POLN: variants seen among roughly 807,000 people sequenced by gnomAD.
POLN encodes DNA polymerase N.
A neutral mutation model predicts 113.5 loss-of-function variants in POLN; 108 were observed. The observed-to-expected ratio is 0.95, with a 90% CI of 0.81 to 1.12. POLN has a LOEUF of 1.12. Among genes scored for constraint, POLN ranks in the 50% most tolerant of loss-of-function variants. The pLI is 0.00. For synonymous variants in POLN, 386 were observed against 391.5 expected, an observed-to-expected ratio of 0.99 and a Z score of 0.17; for missense variants, 1,097 against 1,077.1, an observed-to-expected ratio of 1.02 and a Z score of -0.26.
chr4:2,221,766 G>C (rs1734258912), intron 3 of POLN, among the ~76,000 whole-genome samples: 1 of 152,100 alleles, frequency 6.6e-6, no homozygotes, highest in South Asian at 2.1e-4. Context: ...GTAGAGACAG[G>C]GTTCCACCAC....
chr4:2,223,410 T>G (rs570055156), intron 3 of POLN, among the ~76,000 whole-genome samples: 203 of 152,248 alleles, frequency 1.3e-3, no homozygotes, highest in African/African-American at 4.6e-3. Flanking sequence ...AACTGTACTG[T>G]GAACTGCACA....
Position 2,085,722 on chromosome 4 carries a change from G to A in POLN, c.2088C>T (p.Cys696=), listed in dbSNP as rs1730533635. Reference sequence around the variant, plus strand: ...CAGCTTCCTGAATAGGAACTCCAAGGCAAGCAGCCAGCCGCTCCTTCCCTG... The same window carrying A: ...CAGCTTCCTGAATAGGAACTCCAAGACAAGCAGCCAGCCGCTCCTTCCCTG... ...YGAGKERLAA[C]LGVPIQEAAQ... Residue 696 remains cysteine (C), a synonymous_variant, in exon 21 of 26, where the codon TGC becomes TGT. Coordinates refer to ENST00000511885, the MANE Select transcript of POLN (RefSeq NM_181808.4). 1 of 1,613,838 alleles carries A rather than the reference G, an allele frequency of 6.2e-7. No homozygotes were observed. The highest frequency in any genetic ancestry group is 8.5e-7 in the Non-Finnish European group (1 of 1,180,034).
At chr4:2,162,309 T>G (rs573793337) in intron 13 of POLN, among the ~76,000 whole-genome samples, 1 of 151,960 alleles carries the variant, frequency 6.6e-6, no homozygotes, top group East Asian at 1.9e-4. Context: ...CCTTAAGAGC[T>G]GTAACACTCA....
In POLN at chr4:2,170,669, G is replaced by T. The variant is rs774748530; in HGVS notation, c.1554+10C>A. 1 of 1,607,814 alleles carries T rather than the reference G, an allele frequency of 6.2e-7. No homozygotes were observed. Among genetic ancestry groups the T allele is most frequent in the South Asian group, 1.1e-5 (1 of 90,802 alleles). On this transcript the variant is annotated intron_variant, in intron 13 of 25. Coordinates refer to ENST00000511885, the MANE Select transcript of POLN (RefSeq NM_181808.4). ...TTCTAAAAAGAAAAAGGATAACTCTGAAACCTTACCACTGCTTCTGATGTA... is the reference window on the plus strand; with the variant it reads ...TTCTAAAAAGAAAAAGGATAACTCTTAAACCTTACCACTGCTTCTGATGTA...
chr4:2,153,030 G>A (rs757162153), intron 16 of POLN, among the ~76,000 whole-genome samples: 1 of 152,184 alleles, frequency 6.6e-6, no homozygotes, highest in East Asian at 1.9e-4. Context: ...CAGGACATAC[G>A]TGCATGGTGT....
Position 2,213,086 on chromosome 4 carries a change from T to C in POLN, c.174A>G (p.Val58=). 2 of 1,611,208 alleles carry C rather than the reference T, an allele frequency of 1.2e-6. No homozygotes were observed. The highest frequency in any genetic ancestry group is 2.2e-5 in the East Asian group (1 of 44,770). ...ATTGAGTCTTCCTGTCTTCAAGTTG[T>C]ACTGAATACTTAACACTGGACTTGT... ...VINKSSVKYS[V]QLEDRKTQSP... is the part of the protein sequence containing the mutation. Residue 58 remains valine (V), a synonymous_variant, in exon 4 of 26, where the codon GTA becomes GTG. Coordinates refer to ENST00000511885, the MANE Select transcript of POLN (RefSeq NM_181808.4).
chr4:2,230,266 G>A (rs1218945991), intron 2 of POLN: 1 of 152,174 alleles, frequency 6.6e-6, no homozygotes, highest in African/African-American at 2.4e-5. Context: ...CTGAACTCCA[G>A]CCTGAGTGAC....
rs537154397 is a variant in POLN, at chr4:2,072,864, G to C, written c.2517+104C>G. 62 of 1,261,166 alleles carry C rather than the reference G, an allele frequency of 4.9e-5. 1 individual carries two copies. The South Asian group carries it at 7.1e-4, about 14-fold the overall frequency. The allele number at this position is 1,261,166 out of a possible 1,614,324, so 78.1% of individuals were successfully genotyped here. ...GTGCCTGCTGTGGAGTGGCCATCTC[G>C]GGGCTGGGGCTGCACCCTTTGGCCT... On this transcript the variant is annotated intron_variant, in intron 25 of 25. Transcript: ENST00000511885.
At position 2,232,833 on chromosome 4, in the gene POLN, C is replaced by A. The variant is rs574149419; in HGVS notation, c.-12-3590G>T. Among the ~76,000 whole-genome samples, 3 of 152,262 alleles carry A rather than the reference C, an allele frequency of 2.0e-5. No homozygotes were observed. The South Asian group carries it at 6.2e-4, about 32-fold the overall frequency. ...TTCCATAGCTTTCTAATCAAGCATTCTACTTATAAATTTTAGCCAGTATCA... is the reference window on the plus strand; with the variant it reads ...TTCCATAGCTTTCTAATCAAGCATTATACTTATAAATTTTAGCCAGTATCA... On this transcript the variant is annotated intron_variant, in intron 2 of 25. Transcript: ENST00000511885.
At chr4:2,135,932 T>C (rs1321347018) in intron 16 of POLN, among the ~76,000 whole-genome samples, 1 of 152,210 alleles carries the variant, frequency 6.6e-6, no homozygotes, top group African/African-American at 2.4e-5. Context: ...GACTCCCCAT[T>C]ACTCTCCTCG....
rs545486572 is a variant in POLN, at chr4:2,209,053, T to C, written c.214-566A>G. Among the ~76,000 whole-genome samples the C allele has an allele frequency of 3.0e-4, 45 of 152,214 alleles. No individual in the cohort carries two copies. In the South Asian group the frequency reaches 6.6e-3, roughly 22 times the overall value. ...GGGAATCAGTGCATGTAATGAGACATGTCATGGATAGGATTATGTTGCATA... is the reference window on the plus strand; with the variant it reads ...GGGAATCAGTGCATGTAATGAGACACGTCATGGATAGGATTATGTTGCATA... On this transcript the variant is annotated intron_variant, in intron 4 of 25. Transcript: ENST00000511885.
At position 2,096,064 on chromosome 4, in the gene POLN, C is replaced by A. The variant is rs74903789; in HGVS notation, c.1983-131G>T. The stretch of plus-strand genomic sequence containing the variant: ...TTATGCTTTCATGGTGGCCGGCACA[C>A]TGGCAGGGGAGACATTCCATACCTG... On this transcript the variant is annotated intron_variant, in intron 19 of 25. Transcript: ENST00000511885. 44 of 779,570 alleles carry A rather than the reference C, an allele frequency of 5.6e-5. No individual in the cohort carries two copies. The East Asian group carries it at 1.1e-3, about 20-fold the overall frequency. The allele number at this position is 779,570 out of a possible 1,614,324, so 48.3% of individuals were successfully genotyped here. A position where few individuals can be genotyped will look rare whatever the true frequency, so the allele number is the denominator to read the frequency against.
chr4:2,221,865 G>A (rs568508369), intron 3 of POLN, among the ~76,000 whole-genome samples: 14 of 152,088 alleles, frequency 9.2e-5, no homozygotes, highest in Non-Finnish European at 1.9e-4. Flanking sequence ...GTGAGCTATC[G>A]CACCTGGCCC....
At chr4:2,104,366 T>G (rs1241949989) in intron 19 of POLN, among the ~76,000 whole-genome samples, 1 of 152,216 alleles carries the variant, frequency 6.6e-6, no homozygotes, top group Admixed American at 6.5e-5. Context: ...GTACGAGTTT[T>G]TGTGTGGACA....
chr4:2,176,496 T>C (rs1292735305), intron 8 of POLN, among the ~76,000 whole-genome samples, 162 bp from the exon 9 acceptor site: 1 of 152,236 alleles, frequency 6.6e-6, no homozygotes, highest in Non-Finnish European at 1.5e-5. Context: ...ACACCTCGAC[T>C]AGACAAGTTC....
chr4:2,182,430 C>G (rs1229145914), intron 7 of POLN, among the ~76,000 whole-genome samples: 2 of 152,120 alleles, frequency 1.3e-5, no homozygotes, highest in Non-Finnish European at 2.9e-5. Context: ...AGGGATGTGT[C>G]TACAAGTCAA....
intron 3 of POLN, among the ~76,000 whole-genome samples, chr4:2,219,781 A>T: frequency 6.6e-6 from 1 of 152,112 alleles, no homozygotes. Context: ...CTGCCCTGGC[A>T]GTTCTAATCT....
At chr4:2,132,865 C>T (rs2108726938) in intron 16 of POLN, among the ~76,000 whole-genome samples, 1 of 152,292 alleles carries the variant, frequency 6.6e-6, no homozygotes, top group Non-Finnish European at 1.5e-5. Flanking sequence ...GGAAATGCTT[C>T]CAAAGGGAAA....
intron 16 of POLN, among the ~76,000 whole-genome samples, chr4:2,151,216 C>T (rs911529998): frequency 1.3e-5 from 2 of 152,188 alleles, no homozygotes; most frequent in Non-Finnish European, 2.9e-5. Flanking sequence ...CATGGAAGGA[C>T]TCTCAGCAGT....
Sources: gnomAD v4.1 joint callset for allele counts (sites outside exome capture counted in the v4.1 genomes callset) on GRCh38, gnomAD v4.1.1 for gene constraint, MANE v1.5 for transcripts, NCBI Gene and HGNC (gene_info 2026-07-23, HGNC 2026-07-21) for gene names.